Variants in MYRIP observed in about 807,000 individuals in gnomAD.
MYRIP encodes myosin VIIA and Rab interacting protein, also known as rab effector MyRIP.
A neutral mutation model predicts 98.0 loss-of-function variants in MYRIP; 49 were observed. That is an observed-to-expected ratio of 0.50 (90% CI 0.40 to 0.63). The LOEUF is 0.63. Ranked by LOEUF, MYRIP falls within the 30% of genes least tolerant of loss-of-function variation. The pLI, the probability that MYRIP is intolerant of heterozygous loss-of-function variation, is 0.00. For missense variants in MYRIP, 1,004 were observed against 1,058.2 expected (o/e 0.95, Z 0.71); for synonymous variants, 404 against 409.5 (o/e 0.99, Z 0.16).
At chr3:40,255,255 C>A (rs1372346068) in intron 16 of MYRIP, among the ~76,000 whole-genome samples, 2 of 152,088 alleles carry the variant, frequency 1.3e-5, no homozygotes, top group African/African-American at 4.8e-5. Flanking sequence ...AGAGACAGGA[C>A]ATGAATTGGT....
chr3:40,030,376 C>A (rs1252452634), intron 2 of MYRIP, among the ~76,000 whole-genome samples: 1 of 151,990 alleles, frequency 6.6e-6, no homozygotes, highest in African/African-American at 2.4e-5. Flanking sequence ...AAATTCGAAC[C>A]CTCACATCTT....
intron 7 of MYRIP, 102 bp downstream of exon 7, chr3:40,167,341 T>A: frequency 4.9e-6 from 5 of 1,017,662 alleles, no homozygotes; most frequent in Non-Finnish European, 7.4e-6. Flanking sequence ...TCTCTAGCAC[T>A]GTATCTTCTG....
rs1953692900 is a variant in MYRIP, at chr3:40,259,148, T to C, written c.*982T>C. 6.6e-6 allele frequency: 1 copy of C among 152,192 alleles called. No individual in the cohort carries two copies. The highest frequency in any genetic ancestry group is 2.4e-5 in the African/African-American group (1 of 41,426). The allele number at this position is 152,192 out of a possible 1,614,324, so 9.4% of individuals were successfully genotyped here. A position where few individuals can be genotyped will look rare whatever the true frequency, so the allele number is the denominator to read the frequency against. ...AGATAAAAATGATTAGGGAATAGCC[T>C]TAGAAAATTTATAGGTATAAAAAAT... On this transcript the variant is annotated 3_prime_UTR_variant, in exon 17 of 17. Transcript: ENST00000302541.
rs1001344913 is a variant in MYRIP at position 39,965,979 on chromosome 3, A to G, written c.110+65053A>G. On this transcript the variant is annotated intron_variant, in intron 2 of 16. Coordinates refer to ENST00000302541, the MANE Select transcript of MYRIP (RefSeq NM_015460.4). ...AATGAAATACACATTGTGAAAGTGA[A>G]TGTTTAAGTCCTTATAATCTTGGGC... 5.3e-5 allele frequency among the ~76,000 whole-genome samples: 8 copies of G among 152,288 alleles called. No individual in the cohort carries two copies. The South Asian group carries it at 1.2e-3, about 24-fold the overall frequency.
chr3:39,837,307 T>C (rs1209911805), intron 1 of MYRIP, among the ~76,000 whole-genome samples: 2 of 152,240 alleles, frequency 1.3e-5, no homozygotes, highest in Non-Finnish European at 2.9e-5. Context: ...ATGTCCCGAA[T>C]GGTACTGCTT....
intron 3 of MYRIP, among the ~76,000 whole-genome samples, chr3:40,053,656 T>C (rs1241187856): frequency 6.6e-6 from 1 of 152,032 alleles, no homozygotes; most frequent in Non-Finnish European, 1.5e-5. Context: ...CAAGGTCACC[T>C]TGTTAGTCCC....
intron 11 of MYRIP, among the ~76,000 whole-genome samples, chr3:40,230,501 G>A (rs998906300): frequency 6.6e-6 from 1 of 152,234 alleles, no homozygotes; most frequent in Non-Finnish European, 1.5e-5. Flanking sequence ...TTACAAGTCA[G>A]TGTTAGCCCT....
intron 1 of MYRIP, among the ~76,000 whole-genome samples, chr3:39,858,957 C>T (rs542269460): frequency 6.3e-4 from 96 of 151,902 alleles, no homozygotes; most frequent in African/African-American, 2.1e-3. Flanking sequence ...AAATAAACAG[C>T]CTTACTTTAC....
intron 3 of MYRIP, among the ~76,000 whole-genome samples, chr3:40,104,874 T>C (rs1949025130): frequency 6.6e-6 from 1 of 152,202 alleles, no homozygotes; most frequent in Admixed American, 6.5e-5. Context: ...AAAGATATAT[T>C]TGCAGTGTTT....
intron 1 of MYRIP, among the ~76,000 whole-genome samples, chr3:39,843,571 G>A (rs1941870307): frequency 6.6e-6 from 1 of 152,138 alleles, no homozygotes; most frequent in Non-Finnish European, 1.5e-5. Context: ...ACCTTGGTGA[G>A]ACTAATGCAT....
At chr3:40,240,801 C>T (rs999548948) in intron 12 of MYRIP, among the ~76,000 whole-genome samples, 1 of 152,114 alleles carries the variant, frequency 6.6e-6, no homozygotes, top group South Asian at 2.1e-4. Context: ...TAAATTCTTG[C>T]TGTGAAGAGC....
chr3:39,986,887 T>C (rs1448951318), intron 2 of MYRIP, among the ~76,000 whole-genome samples: 1 of 152,134 alleles, frequency 6.6e-6, no homozygotes, highest in Non-Finnish European at 1.5e-5. Flanking sequence ...GCCATATCTC[T>C]GCTTGTCCCC....
intron 4 of MYRIP, among the ~76,000 whole-genome samples, chr3:40,152,132 C>T (rs1298345868): frequency 2.0e-5 from 3 of 152,164 alleles, no homozygotes; most frequent in African/African-American, 2.4e-5. Flanking sequence ...AGAGCAGTGC[C>T]GAAGGTTTCC....
intron 3 of MYRIP, among the ~76,000 whole-genome samples, chr3:40,047,632 G>T (rs1046214053): frequency 1.3e-5 from 2 of 152,086 alleles, no homozygotes; most frequent in African/African-American, 4.8e-5. Flanking sequence ...GAGAAATTTT[G>T]TTCATTCCCT....
At chr3:40,012,527 T>G (rs930392172) in intron 2 of MYRIP, among the ~76,000 whole-genome samples, 1 of 152,176 alleles carries the variant, frequency 6.6e-6, no homozygotes, top group African/African-American at 2.4e-5. Context: ...GTGCCCAAGT[T>G]AAATATGATT....
At chr3:40,203,993 ATATATATTATATAT>A (rs1559451305) in intron 10 of MYRIP, among the ~76,000 whole-genome samples, 1 of 898 alleles carries the variant, frequency 1.1e-3, no homozygotes, top group Non-Finnish European at 2.7e-3. Context: ...AATATATATT[ATATATATTATATAT>A]TATATATAAT....
intron 2 of MYRIP, among the ~76,000 whole-genome samples, chr3:39,964,826 T>C (rs1343943997): frequency 6.6e-6 from 1 of 152,198 alleles, no homozygotes; most frequent in Non-Finnish European, 1.5e-5. Context: ...TTAAAACTTT[T>C]CTTATAATCT....
intron 11 of MYRIP, among the ~76,000 whole-genome samples, chr3:40,220,088 A>G (rs1333382383): frequency 6.6e-6 from 1 of 151,706 alleles, no homozygotes; most frequent in East Asian, 1.9e-4. Context: ...ATGGCCAGTG[A>G]TGATGAGCAT....
intron 3 of MYRIP, among the ~76,000 whole-genome samples, chr3:40,082,308 C>A (rs1370826949): frequency 2.6e-5 from 4 of 152,208 alleles, no homozygotes; most frequent in Non-Finnish European, 5.9e-5. Flanking sequence ...ATGTTCATCA[C>A]AGCATTACTC....
Sources: gnomAD v4.1 joint callset for allele counts (sites outside exome capture counted in the v4.1 genomes callset) on GRCh38, gnomAD v4.1.1 for gene constraint, MANE v1.5 for transcripts, NCBI Gene and HGNC (gene_info 2026-07-23, HGNC 2026-07-21) for gene names.